The following SLC9A9 variants were observed in gnomAD, a reference collection of about 807,000 sequenced individuals.
The protein encoded by SLC9A9 is solute carrier family 9 member A9, also known as sodium/hydrogen exchanger 9.
SLC9A9 carries 62 observed loss-of-function variants against 77.8 expected under a neutral mutation model. The ratio of observed to expected loss-of-function variants is 0.80; its 90% confidence interval spans 0.65 to 0.98. SLC9A9 has a LOEUF of 0.98. Among genes scored for constraint, SLC9A9 ranks in the 50% least tolerant of loss-of-function variants. The probability of loss-of-function intolerance (pLI) is 0.00; values close to 1 mark genes in which losing one functional copy is unlikely to be tolerated. For synonymous variants in SLC9A9, 320 were observed against 283.5 expected, an observed-to-expected ratio of 1.13 and a Z score of -1.29; for missense variants, 775 against 774.9, an observed-to-expected ratio of 1.00 and a Z score of 0.00.
At chr3:143,501,807 A>G (rs2035928183) in intron 9 of SLC9A9, among the ~76,000 whole-genome samples, 1 of 150,754 alleles carries the variant, frequency 6.6e-6, no homozygotes, top group Non-Finnish European at 1.5e-5. Flanking sequence ...TTTAATGAGA[A>G]TCTGTGGGCA....
intron 2 of SLC9A9, among the ~76,000 whole-genome samples, chr3:143,807,938 A>G (rs1325385236): frequency 6.6e-6 from 1 of 152,126 alleles, no homozygotes; most frequent in Non-Finnish European, 1.5e-5. Context: ...CGGGGATGAG[A>G]GACCATCTCG....
intron 14 of SLC9A9, among the ~76,000 whole-genome samples, chr3:143,324,145 T>C (rs751761565): frequency 7.9e-5 from 12 of 152,116 alleles, no homozygotes; most frequent in Non-Finnish European, 1.3e-4. Flanking sequence ...AAGTACCTGC[T>C]CTATTGGGAG....
chr3:143,715,809 G>C (rs137975489), intron 4 of SLC9A9, among the ~76,000 whole-genome samples: 2 of 152,158 alleles, frequency 1.3e-5, no homozygotes, highest in Admixed American at 1.3e-4. Flanking sequence ...AGCATCGAGC[G>C]TCCTCTCACT....
chr3:143,842,049 C>A (rs1407264351), intron 1 of SLC9A9, among the ~76,000 whole-genome samples: 1 of 152,098 alleles, frequency 6.6e-6, no homozygotes, highest in African/African-American at 2.4e-5. Flanking sequence ...GCCATCATGC[C>A]TGGCCCGGCT....
intron 5 of SLC9A9, 137 bp from the exon 6 acceptor site, chr3:143,652,497 A>C: frequency 1.4e-6 from 1 of 718,184 alleles, no homozygotes; most frequent in Admixed American, 2.2e-5. Flanking sequence ...CCAGACCTTT[A>C]TTCAAAAAAT....
chr3:143,592,432 C>T (rs1307206359), intron 6 of SLC9A9, among the ~76,000 whole-genome samples: 1 of 147,488 alleles, frequency 6.8e-6, no homozygotes, highest in African/African-American at 2.5e-5. Context: ...TGGAAGAAAA[C>T]CTGTGCCCTG....
intron 14 of SLC9A9, among the ~76,000 whole-genome samples, chr3:143,302,809 G>T (rs1356388562): frequency 6.6e-6 from 1 of 152,204 alleles, no homozygotes; most frequent in Non-Finnish European, 1.5e-5. Context: ...ATGGGTACAA[G>T]TGAAGTGGGT....
intron 14 of SLC9A9, chr3:143,314,482 A>C (rs538569395): frequency 1.3e-4 from 20 of 152,366 alleles, no homozygotes; most frequent in South Asian, 2.1e-4. Context: ...GGATTGTGTG[A>C]GTGACACAGA....
intron 2 of SLC9A9, among the ~76,000 whole-genome samples, chr3:143,801,397 C>T (rs977232365): frequency 4.6e-5 from 7 of 152,168 alleles, no homozygotes; most frequent in African/African-American, 1.4e-4. Context: ...TCGTAACTTC[C>T]AAAATCTATT....
intron 12 of SLC9A9, among the ~76,000 whole-genome samples, chr3:143,460,147 C>G (rs1333301172): frequency 6.6e-6 from 1 of 152,130 alleles, no homozygotes; most frequent in Non-Finnish European, 1.5e-5. Flanking sequence ...GTTAAATTGT[C>G]TATGAGTCCA....
chr3:143,835,365 T>C (rs930218897), intron 1 of SLC9A9, among the ~76,000 whole-genome samples: 1 of 152,220 alleles, frequency 6.6e-6, no homozygotes, highest in Admixed American at 6.5e-5. Flanking sequence ...AGAGCCAGTG[T>C]GAAAAATCTC....
chr3:143,565,699 G>A (rs1181293537), intron 8 of SLC9A9, among the ~76,000 whole-genome samples: 1 of 150,852 alleles, frequency 6.6e-6, no homozygotes, highest in Non-Finnish European at 1.5e-5. Context: ...CTAATATTTT[G>A]AGCCTCAGGG....
chr3:143,501,419 T>A (rs1171603461), intron 9 of SLC9A9, among the ~76,000 whole-genome samples: 1 of 150,854 alleles, frequency 6.6e-6, no homozygotes, highest in African/African-American at 2.5e-5. Flanking sequence ...CAGATGCCCA[T>A]AGAGTGAAAG....
At chr3:143,502,690 C>G (rs937497846) in intron 9 of SLC9A9, among the ~76,000 whole-genome samples, 3 of 152,090 alleles carry the variant, frequency 2.0e-5, no homozygotes, top group East Asian at 1.9e-4. Context: ...TGAGGCTCGA[C>G]ACAACCTGCT....
chr3:143,704,385 G>T (rs1576670740), intron 4 of SLC9A9, among the ~76,000 whole-genome samples: 1 of 152,056 alleles, frequency 6.6e-6, no homozygotes, highest in East Asian at 1.9e-4. Context: ...ATGACGAAGT[G>T]GAATTTATCC....
At chr3:143,652,580 C>A (rs1201230865) in intron 5 of SLC9A9, among the ~76,000 whole-genome samples, 33 of 152,026 alleles carry the variant, frequency 2.2e-4, no homozygotes, top group Admixed American at 2.2e-3. Flanking sequence ...AGTACAAGTA[C>A]CCTACAATCT....
chr3:143,471,710 C>T (rs974192776), intron 11 of SLC9A9, among the ~76,000 whole-genome samples: 1 of 151,978 alleles, frequency 6.6e-6, no homozygotes, highest in Non-Finnish European at 1.5e-5. Flanking sequence ...TTTTGAGGGT[C>T]GACAGACTAT....
chr3:143,483,905 G>C (rs186103127), intron 11 of SLC9A9, among the ~76,000 whole-genome samples: 15 of 149,842 alleles, frequency 1.0e-4, no homozygotes, highest in Admixed American at 1.0e-3. Flanking sequence ...CTTAAGGGCA[G>C]GGCCCTCATC....
intron 13 of SLC9A9, among the ~76,000 whole-genome samples, chr3:143,378,792 G>A (rs1426541809): frequency 2.0e-5 from 3 of 152,144 alleles, no homozygotes; most frequent in African/African-American, 7.2e-5. Context: ...AAATTAGCAC[G>A]TTTGCATGAA....
Sources: gnomAD v4.1 joint callset for allele counts (sites outside exome capture counted in the v4.1 genomes callset) on GRCh38, gnomAD v4.1.1 for gene constraint, MANE v1.5 for transcripts, NCBI Gene and HGNC (gene_info 2026-07-23, HGNC 2026-07-21) for gene names.